Variants in PEX16 observed in about 807,000 individuals in gnomAD.
PEX16 encodes the protein peroxin 16.
A neutral mutation model predicts 50.5 loss-of-function variants in PEX16; 37 were observed. That is an observed-to-expected ratio of 0.73 (90% CI 0.56 to 0.96). PEX16 has a LOEUF of 0.96. Ranked by LOEUF, PEX16 falls within the 40% of genes least tolerant of loss-of-function variation. The probability of loss-of-function intolerance (pLI) is 0.00; values close to 1 mark genes in which losing one functional copy is unlikely to be tolerated. For missense variants in PEX16, 401 were observed against 438.3 expected (o/e 0.91, Z 0.76); for synonymous variants, 185 against 190.3 (o/e 0.97, Z 0.23).
chr11:45,917,149 G>A (rs769516476), intron 2 of PEX16: 2 of 662,486 alleles, frequency 3.0e-6, no homozygotes, highest in Non-Finnish European at 5.6e-6. Context: ...TTCCTTAAAT[G>A]GACAGTGATG....
chr11:45,912,454 GCAC>G (rs2086788770), intron 9 of PEX16, among the ~76,000 whole-genome samples: 1 of 151,654 alleles, frequency 6.6e-6, no homozygotes, highest in South Asian at 2.1e-4. Flanking sequence ...AGCCAAGATT[GCAC>G]CACTACACTC....
rs573925808 is a variant in PEX16, at chr11:45,916,739, G to A, written c.149-436C>T. 3.2e-4 allele frequency among the ~76,000 whole-genome samples: 48 copies of A among 152,216 alleles called. 1 individual carries two copies. The highest frequency in any genetic ancestry group is 1.1e-3 in the African/African-American group (47 of 41,522). On this transcript the variant is annotated intron_variant, in intron 2 of 10. Coordinates refer to ENST00000378750, the MANE Select transcript of PEX16 (RefSeq NM_004813.4). ...GGCTGGAGTGCAATGGCACAATCTCGGCTCACTGCAACCTCTGCCTCCCAG... is the reference window on the plus strand; with the variant it reads ...GGCTGGAGTGCAATGGCACAATCTCAGCTCACTGCAACCTCTGCCTCCCAG...
Position 45,910,057 on chromosome 11 carries a change from G to A in PEX16, c.*197C>T, listed in dbSNP as rs2086758987. ...CTTGGCCCAGCAGTGACAAGGTGCG[G>A]GCTGCAGTGGCATCGTCACAGGAGA... On this transcript the variant is annotated 3_prime_UTR_variant, in exon 11 of 11. Transcript: ENST00000378750. The A allele has an allele frequency of 1.3e-6, 2 of 1,571,684 alleles. No homozygotes were observed. Among genetic ancestry groups the A allele is most frequent in the Non-Finnish European group, 1.7e-6 (2 of 1,144,840 alleles).
intron 10 of PEX16, 63 bp from the exon 11 acceptor site, chr11:45,910,375 ACAGCACCTCACCCCTGCGGCC>A (rs1344768846): frequency 7.4e-7 from 1 of 1,342,842 alleles, no homozygotes; most frequent in Non-Finnish European, 1.1e-6. Flanking sequence ...GGCGCCACAT[ACAGCACCTCACCCCTGCGGCC>A]CAGGAGCCAG....
chr11:45,916,165 G>T, intron 3 of PEX16, 62 bp downstream of exon 3: 2 of 1,216,592 alleles, frequency 1.6e-6, no homozygotes, highest in Non-Finnish European at 2.4e-6. Flanking sequence ...GCATGGGCTA[G>T]CTGCTACTAT....
Position 45,913,420 on chromosome 11 carries a change from G to A in PEX16, c.887+399C>T, listed in dbSNP as rs547402535. ...TGGGATCTAGCTCTACCACTGGCTA[G>A]CTGGGTGTCTTTAAGTTGCCCAACC... On this transcript the variant is annotated intron_variant, in intron 9 of 10. Coordinates refer to ENST00000378750, the MANE Select transcript of PEX16 (RefSeq NM_004813.4). Among the ~76,000 whole-genome samples the A allele has an allele frequency of 2.4e-4, 36 of 152,342 alleles. No homozygotes were observed. The East Asian group carries it at 6.4e-3, about 27-fold the overall frequency.
intron 3 of PEX16, 46 bp from the exon 4 acceptor site, chr11:45,915,882 G>A (rs1209525582): frequency 1.9e-6 from 3 of 1,595,186 alleles, no homozygotes; most frequent in African/African-American, 1.3e-5. Context: ...GGGACTACAG[G>A]GAGTCCCAGG....
chr11:45,913,527 C>T (rs1395304722), intron 9 of PEX16, among the ~76,000 whole-genome samples: 2 of 152,258 alleles, frequency 1.3e-5, no homozygotes, highest in African/African-American at 4.8e-5. Flanking sequence ...GAGCTAGAGG[C>T]CATGGGCGCC....
intron 5 of PEX16, 119 bp from the exon 6 acceptor site, chr11:45,914,803 G>C (rs923969243): frequency 2.3e-6 from 2 of 868,828 alleles, no homozygotes; most frequent in Non-Finnish European, 3.9e-6. Flanking sequence ...CTTGTACTAT[G>C]GCAACAGCTG....
Position 45,914,676 on chromosome 11 carries a change from G to C in PEX16, c.469C>G (p.His157Asp). 1 of 1,613,988 alleles carries C rather than the reference G, an allele frequency of 6.2e-7. No homozygotes were observed. The highest frequency in any genetic ancestry group is 8.5e-7 in the Non-Finnish European group (1 of 1,179,904). The change falls in exon 6 of 11, where the codon CAC (histidine) becomes GAC (aspartate). Residue 157 changes from histidine (H) to aspartate (D), a missense_variant. By Grantham distance (81) the His-to-Asp change is moderately conservative. Transcript: ENST00000378750. ...ETQAQPPDGD[H>D]SPGNHEQSYV... is the part of the protein sequence containing the mutation. ...GACTGCTCATGGTTGCCAGGGCTGT[G>C]GTCACCATCTAGCAGGGATAGACAG... is the stretch of plus-strand genomic sequence containing the variant.
Position 45,910,905 on chromosome 11 carries a change from C to T in PEX16, c.945G>A (p.Leu315=), listed in dbSNP as rs2086770676. ...GTCCCCATCCCTGCTTACTTGTGAC[C>T]AGGCCAACGCCAGGGACGTGGTCGG... The part of the protein sequence containing the change: ...LLADHVPGVG[L]VTRPLMDYLP... Residue 315 remains leucine (L), a synonymous_variant, in exon 10 of 11, where the codon CTG becomes CTA. Coordinates refer to ENST00000378750, the MANE Select transcript of PEX16 (RefSeq NM_004813.4). The T allele has an allele frequency of 4.3e-6, 7 of 1,613,618 alleles. No individual in the cohort carries two copies. Among genetic ancestry groups the T allele is most frequent in the Non-Finnish European group, 5.9e-6 (7 of 1,179,978 alleles).
At chr11:45,910,607 T>C (rs938390484) in intron 10 of PEX16, among the ~76,000 whole-genome samples, 4 of 152,132 alleles carry the variant, frequency 2.6e-5, no homozygotes, top group African/African-American at 9.7e-5. Context: ...TTCTCTGCCA[T>C]TGAATCCCCC....
In PEX16 at chr11:45,915,767, CCATCTCCATGAA is replaced by C; in HGVS notation, c.283_294del (p.Phe95_Met98del). On this transcript the variant is annotated inframe_deletion, in exon 4 of 11. Transcript: ENST00000378750. Reference sequence around the variant, plus strand: ...ACTTCACCCCACACCTTGGCAGCTCCCATCTCCATGAACACCTCCACGCACTCCAGCACGCTC... The same window carrying C: ...ACTTCACCCCACACCTTGGCAGCTCCCACCTCCACGCACTCCAGCACGCTC... The C allele has an allele frequency of 6.2e-7, 1 of 1,613,966 alleles. No individual in the cohort carries two copies. Among genetic ancestry groups the C allele is most frequent in the Non-Finnish European group, 8.5e-7 (1 of 1,179,980 alleles).
At chr11:45,917,343 C>T (rs1049617744) in intron 2 of PEX16, 115 bp downstream of exon 2, 10 of 885,864 alleles carry the variant, frequency 1.1e-5, no homozygotes, top group African/African-American at 1.6e-5. Context: ...AGTCATAGCA[C>T]AAGGTGTCTA....
Position 45,914,367 on chromosome 11 carries a change from G to C in PEX16, c.643C>G (p.Leu215Val), listed in dbSNP as rs773150003. 5.0e-6 allele frequency: 8 copies of C among 1,611,102 alleles called. No homozygotes were observed. In the African/African-American group the frequency reaches 9.3e-5, roughly 19 times the overall value. ...AAAAACTCTGCGATGGTCTCCTGCA[G>C]CCCCAGGGGGGTGGGGGTCGCACTC... ...ELSATPTPLGLQETIAEFLYI... is the reference protein window; with the variant it reads ...ELSATPTPLGVQETIAEFLYI... Residue 215 changes from leucine (L) to valine (V), a missense_variant, in exon 7 of 11, where the codon CTG (leucine) becomes GTG (valine). Coordinates refer to ENST00000378750, the MANE Select transcript of PEX16 (RefSeq NM_004813.4).
intron 2 of PEX16, 133 bp downstream of exon 2, chr11:45,917,325 G>A: frequency 2.5e-6 from 2 of 788,540 alleles, no homozygotes; most frequent in South Asian, 1.4e-5. Context: ...CAGACCTTGT[G>A]CCGATTCAGT....
chr11:45,915,634 G>T (rs932209440), intron 4 of PEX16, 66 bp from the exon 5 acceptor site: 3 of 1,612,786 alleles, frequency 1.9e-6, no homozygotes, highest in Non-Finnish European at 2.5e-6. Flanking sequence ...GGGATGCTCT[G>T]CTGAGCACCA....
Position 45,917,800 on chromosome 11 carries a change from C to T in PEX16, c.12G>A (p.Leu4=). 1 of 1,542,740 alleles carries T rather than the reference C, an allele frequency of 6.5e-7. No individual in the cohort carries two copies. The highest frequency in any genetic ancestry group is 8.7e-7 in the Non-Finnish European group (1 of 1,146,740). MEK[L]RLLGLRYQEY... ...CCTGGTAGCGGAGGCCCAGGAGCCG[C>T]AGCTTCTCCATCCTGCCCTCGGCAC... Residue 4 remains leucine, a synonymous_variant, in exon 1 of 11, where the codon CTG becomes CTA. Coordinates refer to ENST00000378750, the MANE Select transcript of PEX16 (RefSeq NM_004813.4).
In PEX16 at chr11:45,917,781, A is replaced by G; in HGVS notation, c.31T>C (p.Tyr11His). Residue 11 changes from tyrosine (Y) to histidine (H), a missense_variant, in exon 1 of 11, where the codon TAC becomes CAC. Physicochemically the swap from Tyr to His is moderately conservative, Grantham distance 83. Coordinates refer to ENST00000378750, the MANE Select transcript of PEX16 (RefSeq NM_004813.4). ...GGGTGACGAGTCACGTACTCCTGGT[A>G]GCGGAGGCCCAGGAGCCGCAGCTTC... MEKLRLLGLR[Y>H]QEYVTRHPAA... The G allele has an allele frequency of 1.3e-6, 2 of 1,548,358 alleles. No individual in the cohort carries two copies. Among genetic ancestry groups the G allele is most frequent in the Non-Finnish European group, 1.7e-6 (2 of 1,148,222 alleles).
Sources: allele counts gnomAD v4.1 joint callset (sites outside exome capture counted in the v4.1 genomes callset), GRCh38; gene constraint gnomAD v4.1.1; transcripts MANE v1.5; gene names NCBI Gene and HGNC (gene_info 2026-07-23, HGNC 2026-07-21).